Variants in ACVR2A observed in about 807,000 individuals in gnomAD.
ACVR2A encodes activin receptor type-2A.
Under a neutral mutation model 61.4 loss-of-function variants are expected in ACVR2A, and 7 were observed. The observed-to-expected ratio is 0.11, with a 90% confidence interval of 0.06 to 0.21. The LOEUF (loss-of-function observed/expected upper bound fraction) is 0.21, where lower values mean the gene tolerates loss of function less well. ACVR2A is among the 10% of genes least tolerant of loss of function. The pLI is 1.00. For synonymous variants in ACVR2A, 193 were observed against 208.3 expected (o/e 0.93, Z 0.63); for missense variants, 322 against 621.7 (o/e 0.52, Z 5.13).
chr2:147,855,204 A>G (rs1573912174), intron 1 of ACVR2A, among the ~76,000 whole-genome samples: 1 of 152,124 alleles, frequency 6.6e-6, no homozygotes, highest in Non-Finnish European at 1.5e-5. Flanking sequence ...CCTTTCTAAT[A>G]TTAGAATGTA....
At chr2:147,909,319 G>A (rs1687061974) in intron 4 of ACVR2A, among the ~76,000 whole-genome samples, 4 of 152,150 alleles carry the variant, frequency 2.6e-5, no homozygotes, top group Admixed American at 2.0e-4. Flanking sequence ...ACTGCTGCAA[G>A]CTTCATGAGA....
rs756503629 is a variant in ACVR2A at position 147,899,883 on chromosome 2, A to C, written c.513A>C (p.Val171=). The C allele has an allele frequency of 6.2e-7, 1 of 1,613,294 alleles. No homozygotes were observed. The highest frequency in any genetic ancestry group is 8.5e-7 in the Non-Finnish European group (1 of 1,179,516). The change falls in exon 4 of 11, where the codon GTA becomes GTC. Residue 171 remains valine, a synonymous_variant. Transcript: ENST00000241416. ...ATCACAAGATGGCCTACCCTCCTGTACTTGTTCCAACTCAAGTAAGTTATT... is the reference window on the plus strand; with the variant it reads ...ATCACAAGATGGCCTACCCTCCTGTCCTTGTTCCAACTCAAGTAAGTTATT... ...YRHHKMAYPP[V]LVPTQDPGPP... is the part of the protein sequence containing the mutation.
chr2:147,896,276 T>C lies in ACVR2A; in HGVS notation c.56-25T>C, dbSNP rs560976053. ...TTTATTTTAACAGATAATGTGGTTA[T>C]ATTATTGTTTTTATTATCTTATAGG... On this transcript the variant is annotated intron_variant, in intron 1 of 10. Coordinates refer to ENST00000241416, the MANE Select transcript of ACVR2A (RefSeq NM_001616.5). 6 of 1,568,548 alleles carry C rather than the reference T, an allele frequency of 3.8e-6. No individual in the cohort carries two copies. In the East Asian group the frequency reaches 9.0e-5, roughly 24 times the overall value.
chr2:147,855,303 ATATT>A (rs1217827679), intron 1 of ACVR2A, among the ~76,000 whole-genome samples: 1 of 152,210 alleles, frequency 6.6e-6, no homozygotes, highest in Non-Finnish European at 1.5e-5. Flanking sequence ...AGCTCAGTGA[ATATT>A]TAACTAGCTG....
rs116778186 is a variant in ACVR2A, at chr2:147,882,269, C to T, written c.56-14032C>T. Reference sequence around the variant, plus strand: ...ATTAACATTAGAAGACCTTAAATAACGCTGGATGCAGTTGCTCATGACTGT... The same window carrying T: ...ATTAACATTAGAAGACCTTAAATAATGCTGGATGCAGTTGCTCATGACTGT... On this transcript the variant is annotated intron_variant, in intron 1 of 10. Transcript: ENST00000241416. Among the ~76,000 whole-genome samples, 1,065 of 152,146 alleles carry T rather than the reference C, an allele frequency of 7.0e-3. 10 individuals are homozygous for T. Among genetic ancestry groups the T allele is most frequent in the African/African-American group, 0.024 (996 of 41,556 alleles).
At chr2:147,871,689 T>C (rs1415139861) in intron 1 of ACVR2A, among the ~76,000 whole-genome samples, 1 of 152,262 alleles carries the variant, frequency 6.6e-6, no homozygotes, top group Non-Finnish European at 1.5e-5. Context: ...AGATATATAT[T>C]GAAAAACTCA....
At position 147,928,181 on chromosome 2, in the gene ACVR2A, T is replaced by C. The variant is rs1687551967; in HGVS notation, c.*907T>C. ...ACCTAAGTATTTTTTTTAGGTGTGC[T>C]GTGTTTGGGGAATATTTGAAAATTT... On this transcript the variant is annotated 3_prime_UTR_variant, in exon 11 of 11. Coordinates refer to ENST00000241416, the MANE Select transcript of ACVR2A (RefSeq NM_001616.5). 6.6e-6 allele frequency: 1 copy of C among 152,366 alleles called. No individual in the cohort carries two copies. The highest frequency in any genetic ancestry group is 2.4e-5 in the African/African-American group (1 of 41,402). 9.4% of individuals were successfully genotyped at this position (152,366 alleles called of 1,614,324 possible).
chr2:147,882,615 G>A (rs971816786), intron 1 of ACVR2A, among the ~76,000 whole-genome samples: 2 of 152,098 alleles, frequency 1.3e-5, no homozygotes, highest in African/African-American at 4.8e-5. Context: ...TGACTTCCAA[G>A]TATTTTTACT....
chr2:147,846,212 C>T (rs116001744), intron 1 of ACVR2A, among the ~76,000 whole-genome samples: 324 of 151,646 alleles, frequency 2.1e-3, no homozygotes, highest in African/African-American at 7.3e-3. Flanking sequence ...TTAAATAAGT[C>T]TCATTGGATC....
intron 4 of ACVR2A, among the ~76,000 whole-genome samples, chr2:147,912,242 G>A (rs1184446210): frequency 2.0e-5 from 3 of 151,986 alleles, no homozygotes; most frequent in South Asian, 4.1e-4. Context: ...TATCATTTCA[G>A]TATGTGTTCT....
chr2:147,859,929 T>C (rs1685684936), intron 1 of ACVR2A, among the ~76,000 whole-genome samples: 1 of 152,206 alleles, frequency 6.6e-6, no homozygotes, highest in Non-Finnish European at 1.5e-5. Flanking sequence ...CATGTTGTTT[T>C]TCCTGTAGGA....
intron 1 of ACVR2A, among the ~76,000 whole-genome samples, chr2:147,877,936 C>T (rs758307486): frequency 6.6e-6 from 1 of 152,196 alleles, no homozygotes; most frequent in East Asian, 1.9e-4. Context: ...TATCATGCTG[C>T]TTTTTTTACT....
Position 147,927,297 on chromosome 2 carries a change from T to C in ACVR2A, c.*23T>C. The C allele has an allele frequency of 6.3e-7, 1 of 1,589,420 alleles. No individual in the cohort carries two copies. The highest frequency in any genetic ancestry group is 1.1e-5 in the South Asian group (1 of 87,276). On this transcript the variant is annotated 3_prime_UTR_variant, in exon 11 of 11. Transcript: ENST00000241416. The stretch of plus-strand genomic sequence containing the variant: ...TGATGGTTGCGCCATCTGTGCACAC[T>C]AAGAAATGGGACTCTGAACTGGAGC...
chr2:147,873,374 A>G (rs1388077735), intron 1 of ACVR2A, among the ~76,000 whole-genome samples: 1 of 152,018 alleles, frequency 6.6e-6, no homozygotes, highest in Admixed American at 6.6e-5. Flanking sequence ...ATGCATAATC[A>G]ATATGAACAT....
At position 147,923,764 on chromosome 2, in the gene ACVR2A, G is replaced by A. The variant is rs535054985; in HGVS notation, c.1216+653G>A. 5.9e-5 allele frequency among the ~76,000 whole-genome samples: 9 copies of A among 152,096 alleles called. No homozygotes were observed. In the South Asian group the frequency reaches 1.2e-3, roughly 21 times the overall value. On this transcript the variant is annotated intron_variant, in intron 9 of 10. Coordinates refer to ENST00000241416, the MANE Select transcript of ACVR2A (RefSeq NM_001616.5). ...GTTTTGAATAATATAAGGCAAACTT[G>A]CCGACTGCTAAACTCCTAAACAGAT...
intron 4 of ACVR2A, among the ~76,000 whole-genome samples, chr2:147,901,845 CT>C (rs1201044995): frequency 6.6e-6 from 1 of 151,994 alleles, no homozygotes. Context: ...TTTGCAGTCT[CT>C]GAAGCAGTAT....
chr2:147,865,406 T>A (rs1685828528), intron 1 of ACVR2A, among the ~76,000 whole-genome samples: 1 of 152,178 alleles, frequency 6.6e-6, no homozygotes, highest in Admixed American at 6.5e-5. Flanking sequence ...GCATTCTTAT[T>A]ATATTTGATT....
intron 1 of ACVR2A, among the ~76,000 whole-genome samples, chr2:147,892,798 G>C (rs1686619474): frequency 6.6e-6 from 1 of 151,724 alleles, no homozygotes; most frequent in African/African-American, 2.4e-5. Context: ...AGAAAAAAAG[G>C]AATAGTATTT....
chr2:147,929,945 T>C lies in ACVR2A; in HGVS notation c.*2671T>C, dbSNP rs934791511. ...GGAATGCTTTATGATCAACTTGCCA[T>C]AGGACTGATGGATTAACCAGTGTTC... On this transcript the variant is annotated 3_prime_UTR_variant, in exon 11 of 11. Transcript: ENST00000241416. 1.5e-4 allele frequency: 23 copies of C among 152,474 alleles called. No individual in the cohort carries two copies. The highest frequency in any genetic ancestry group is 5.6e-4 in the African/African-American group (23 of 41,404). The allele number at this position is 152,474 out of a possible 1,614,324, so 9.4% of individuals were successfully genotyped here.
Sources: allele counts gnomAD v4.1 joint callset (sites outside exome capture counted in the v4.1 genomes callset), GRCh38; gene constraint gnomAD v4.1.1; transcripts MANE v1.5; gene names NCBI Gene and HGNC (gene_info 2026-07-23, HGNC 2026-07-21).